PRKCH: variants seen among roughly 807,000 people sequenced by gnomAD.
The protein encoded by PRKCH is protein kinase C eta type.
In PRKCH, 28 loss-of-function variants were observed where a neutral mutation model predicts 82.5. The observed-to-expected ratio is 0.34, with a 90% confidence interval of 0.25 to 0.47. The LOEUF (loss-of-function observed/expected upper bound fraction) is 0.47. Among genes scored for constraint, PRKCH ranks in the 20% least tolerant of loss-of-function variants. PRKCH has a pLI of 1.00. For missense variants in PRKCH, 705 were observed against 881.8 expected, an observed-to-expected ratio of 0.80 and a Z score of 2.54; for synonymous variants, 322 against 327.4, an observed-to-expected ratio of 0.98 and a Z score of 0.18.
At chr14:61,434,324 A>G (rs1883570745) in intron 2 of PRKCH, among the ~76,000 whole-genome samples, 1 of 152,204 alleles carries the variant, frequency 6.6e-6, no homozygotes, top group South Asian at 2.1e-4. Context: ...ACATGATGCA[A>G]CCCAAATGTG....
chr14:61,412,173 G>A (rs1044345484), intron 2 of PRKCH, among the ~76,000 whole-genome samples: 4 of 152,140 alleles, frequency 2.6e-5, no homozygotes, highest in Non-Finnish European at 5.9e-5. Flanking sequence ...GTACAAAGAA[G>A]CAAGAAAGTA....
intron 1 of PRKCH, among the ~76,000 whole-genome samples, chr14:61,221,579 C>T (rs944845885): frequency 2.0e-4 from 31 of 152,034 alleles, no homozygotes; most frequent in African/African-American, 2.7e-4. Flanking sequence ...GCCCGAGAAC[C>T]GCTGCTGCCT....
chr14:61,452,919 C>T (rs1884579567), intron 6 of PRKCH: 1 of 355,256 alleles, frequency 2.8e-6, no homozygotes, highest in Non-Finnish European at 5.2e-6. Flanking sequence ...AATCTTAGAT[C>T]ATACTAAGGC....
At chr14:61,527,053 TG>T (rs2042975057) in intron 10 of PRKCH, among the ~76,000 whole-genome samples, 1 of 152,232 alleles carries the variant, frequency 6.6e-6, no homozygotes, top group African/African-American at 2.4e-5. Flanking sequence ...CCCTGGGGTA[TG>T]GGTGGCAACA....
At chr14:61,469,470 C>G (rs746387425) in intron 9 of PRKCH, among the ~76,000 whole-genome samples, 25 of 152,154 alleles carry the variant, frequency 1.6e-4, no homozygotes, top group Non-Finnish European at 3.4e-4. Context: ...TTAAGCAGCC[C>G]CTCGGGTGTG....
At chr14:61,211,708 T>C (rs1437365608) in intron 1 of PRKCH, among the ~76,000 whole-genome samples, 1 of 152,150 alleles carries the variant, frequency 6.6e-6, no homozygotes, top group Non-Finnish European at 1.5e-5. Flanking sequence ...ACCCGCTTAA[T>C]TGCTTCTCCG....
At chr14:61,261,415 A>T (rs777432972) in intron 1 of PRKCH, among the ~76,000 whole-genome samples, 7 of 152,220 alleles carry the variant, frequency 4.6e-5, no homozygotes, top group Non-Finnish European at 8.8e-5. Flanking sequence ...AAGGCAATTA[A>T]TGTCCCTACC....
At chr14:61,469,336 A>G (rs762695630) in intron 9 of PRKCH, among the ~76,000 whole-genome samples, 1 of 152,264 alleles carries the variant, frequency 6.6e-6, no homozygotes, top group Non-Finnish European at 1.5e-5. Flanking sequence ...TATAGTCCTT[A>G]TGCTACAAAA....
intron 1 of PRKCH, among the ~76,000 whole-genome samples, chr14:61,307,536 C>G (rs2045492604): frequency 6.6e-6 from 1 of 152,074 alleles, no homozygotes; most frequent in Non-Finnish European, 1.5e-5. Context: ...TTCTGAAGAC[C>G]CAGAGAATGT....
chr14:61,209,583 AG>A (rs1566781297), intron 1 of PRKCH, among the ~76,000 whole-genome samples: 3 of 152,202 alleles, frequency 2.0e-5, no homozygotes, highest in Admixed American at 1.3e-4. Context: ...TTCAAATTAC[AG>A]AATGTCAGAC....
chr14:61,431,071 T>C (rs1883370150), intron 2 of PRKCH, among the ~76,000 whole-genome samples: 1 of 152,188 alleles, frequency 6.6e-6, no homozygotes, highest in Non-Finnish European at 1.5e-5. Context: ...AGCTTCCTCA[T>C]AGGATCTCAG....
rs1303337669 is a variant in PRKCH at position 61,272,359 on chromosome 14, T to C, written c.-19+84691T>C. Among the ~76,000 whole-genome samples, 63 of 132,436 alleles carry C rather than the reference T, an allele frequency of 4.8e-4. 1 individual carries two copies. Among genetic ancestry groups the C allele is most frequent in the African/African-American group, 1.7e-3 (60 of 35,690 alleles). The allele number at this position is 132,436 out of a possible 152,430, so 86.9% of individuals were successfully genotyped here. ...TTTTTTCTTTCTTTTTTTTTTTTTT[T>C]TTTTTTTTTTTTGAGACAGAGTCTT... On this transcript the variant is annotated intron_variant, in intron 1 of 3. Transcript: ENST00000555185.
At chr14:61,216,279 A>G (rs993594218) in intron 1 of PRKCH, among the ~76,000 whole-genome samples, 5 of 152,060 alleles carry the variant, frequency 3.3e-5, no homozygotes, top group Non-Finnish European at 7.4e-5. Flanking sequence ...CAGCCTTGCC[A>G]ACATGGTGAA....
At chr14:61,319,713 C>T (rs181853417), upstream of PRKCH, among the ~76,000 whole-genome samples, 1 of 152,120 alleles carries the variant, frequency 6.6e-6, no homozygotes, top group Non-Finnish European at 1.5e-5. Flanking sequence ...CAGAGCTGAC[C>T]CACAGGGTAG....
chr14:61,312,106 G>C (rs1180967196), intron 1 of PRKCH, among the ~76,000 whole-genome samples: 1 of 152,220 alleles, frequency 6.6e-6, no homozygotes, highest in Non-Finnish European at 1.5e-5. Context: ...TGGGGACACA[G>C]AGTCAAGCCA....
At chr14:61,470,428 C>G (rs984482664) in intron 9 of PRKCH, among the ~76,000 whole-genome samples, 2 of 152,144 alleles carry the variant, frequency 1.3e-5, no homozygotes, top group African/African-American at 4.8e-5. Context: ...GTCTCCATCC[C>G]TGTATTAACC....
intron 1 of PRKCH, among the ~76,000 whole-genome samples, chr14:61,188,761 C>T (rs371611494): frequency 7.5e-6 from 1 of 133,784 alleles, no homozygotes; most frequent in Non-Finnish European, 1.6e-5. Flanking sequence ...CTCTTGTTGC[C>T]CAGGCTGGAG....
chr14:61,529,336 G>T (rs969813058), intron 11 of PRKCH, 123 bp downstream of exon 11: 2 of 1,105,700 alleles, frequency 1.8e-6, no homozygotes, highest in East Asian at 5.5e-5. Flanking sequence ...GTCTAGAGCC[G>T]ACACCTCTAG....
intron 2 of PRKCH, among the ~76,000 whole-genome samples, chr14:61,425,991 C>T (rs1194893108): frequency 1.3e-5 from 2 of 152,252 alleles, no homozygotes; most frequent in African/African-American, 4.8e-5. Flanking sequence ...CCTGCTTCCC[C>T]TTCTGCCATG....
Sources: gnomAD v4.1 joint callset for allele counts (sites outside exome capture counted in the v4.1 genomes callset) on GRCh38, gnomAD v4.1.1 for gene constraint, MANE v1.5 for transcripts, NCBI Gene and HGNC (gene_info 2026-07-23, HGNC 2026-07-21) for gene names.